GUCA1C: variants seen among roughly 807,000 people sequenced by gnomAD.
The protein encoded by GUCA1C is guanylate cyclase activator 1C.
Under a neutral mutation model 16.2 loss-of-function variants are expected in GUCA1C, and 15 were observed. The ratio of observed to expected loss-of-function variants is 0.93; its 90% confidence interval spans 0.62 to 1.43. The LOEUF (loss-of-function observed/expected upper bound fraction) is 1.43. GUCA1C is among the 40% of genes most tolerant of loss of function. GUCA1C has a pLI of 0.00. For synonymous variants in GUCA1C, 78 were observed against 85.4 expected (o/e 0.91, Z 0.48); for missense variants, 275 against 244.8 (o/e 1.12, Z -0.82).
rs561721317 is a variant in GUCA1C, at chr3:108,911,246, C to T, written c.443-3037G>A. ...TAAATCGTGCATTTCTTCCCATTTA[C>T]ATCTTAAATAATCTTTTATAACAAA... is the stretch of plus-strand genomic sequence containing the variant. On this transcript the variant is annotated intron_variant, in intron 3 of 3. Coordinates refer to ENST00000261047, the MANE Select transcript of GUCA1C (RefSeq NM_005459.4). Among the ~76,000 whole-genome samples the T allele has an allele frequency of 3.3e-5, 5 of 152,234 alleles. No homozygotes were observed. In the South Asian group the frequency reaches 1.0e-3, roughly 32 times the overall value.
At chr3:108,910,547 G>A (rs1016839303) in intron 3 of GUCA1C, among the ~76,000 whole-genome samples, 1 of 151,954 alleles carries the variant, frequency 6.6e-6, no homozygotes, top group Admixed American at 6.6e-5. Flanking sequence ...GCCTGTGAGA[G>A]ATGATAGAGC....
chr3:108,935,258 C>T (rs1022139738), intron 1 of GUCA1C, among the ~76,000 whole-genome samples: 3 of 151,450 alleles, frequency 2.0e-5, no homozygotes, highest in Admixed American at 6.6e-5. Flanking sequence ...AATCACTATC[C>T]GGATGATGGG....
rs144015676 is a variant in GUCA1C, at chr3:108,949,710, C to T, written c.204+3849G>A. On this transcript the variant is annotated intron_variant, in intron 1 of 3. Transcript: ENST00000261047. ...AGTGCACCTAGAGCAGTGTCAGGCA[C>T]ATCATAACCACTCAAAAAGTGGGTT... Among the ~76,000 whole-genome samples the T allele has an allele frequency of 9.6e-4, 146 of 152,256 alleles. 2 individuals are homozygous for T. In the East Asian group the frequency reaches 0.02, roughly 21 times the overall value.
At chr3:108,936,935 C>T (rs1202921654) in intron 1 of GUCA1C, among the ~76,000 whole-genome samples, 1 of 152,144 alleles carries the variant, frequency 6.6e-6, no homozygotes, top group Non-Finnish European at 1.5e-5. Context: ...TTTTTATCCT[C>T]CTCTGCTTCC....
chr3:108,934,024 G>T (rs1408690842), intron 1 of GUCA1C, among the ~76,000 whole-genome samples: 3 of 152,144 alleles, frequency 2.0e-5, no homozygotes, highest in African/African-American at 7.2e-5. Flanking sequence ...CATGTCCTTT[G>T]CAGGGACATG....
chr3:108,953,986 TAC>T, upstream of GUCA1C: 1 of 551,736 alleles, frequency 1.8e-6, no homozygotes, highest in Non-Finnish European at 3.2e-6. Flanking sequence ...CTAACATGCT[TAC>T]AGTCATGCAG....
intron 1 of GUCA1C, among the ~76,000 whole-genome samples, chr3:108,931,406 T>G (rs1946664581): frequency 6.6e-6 from 1 of 152,212 alleles, no homozygotes; most frequent in Admixed American, 6.5e-5. Flanking sequence ...CACTGTATGG[T>G]TTTTAAATGA....
intron 3 of GUCA1C, among the ~76,000 whole-genome samples, chr3:108,910,385 C>CAGT (rs1946437945): frequency 6.6e-6 from 1 of 151,696 alleles, no homozygotes; most frequent in Non-Finnish European, 1.5e-5. Flanking sequence ...GTAGTCCCAC[C>CAGT]TACTTGGGAG....
At chr3:108,917,804 G>T (rs1946532303) in intron 2 of GUCA1C, among the ~76,000 whole-genome samples, 1 of 152,124 alleles carries the variant, frequency 6.6e-6, no homozygotes, top group African/African-American at 2.4e-5. Context: ...CCAGCACTTT[G>T]GGAGGCTGAG....
chr3:108,928,343 C>G (rs1946640755), intron 1 of GUCA1C, among the ~76,000 whole-genome samples: 1 of 152,304 alleles, frequency 6.6e-6, no homozygotes, highest in African/African-American at 2.4e-5. Flanking sequence ...TTCTGGATAA[C>G]AGCCCTTCAT....
chr3:108,944,084 T>C (rs1314793761), intron 1 of GUCA1C, among the ~76,000 whole-genome samples: 1 of 152,100 alleles, frequency 6.6e-6, no homozygotes, highest in Admixed American at 6.6e-5. Context: ...AAAAGAAATA[T>C]ATTTTAAACT....
chr3:108,928,265 C>G (rs899633645), intron 1 of GUCA1C, among the ~76,000 whole-genome samples: 1 of 152,188 alleles, frequency 6.6e-6, no homozygotes, highest in Non-Finnish European at 1.5e-5. Context: ...GCAAGCTAGT[C>G]CTGCCCCTCT....
chr3:108,931,298 T>C (rs980804004), intron 1 of GUCA1C, among the ~76,000 whole-genome samples: 4 of 152,234 alleles, frequency 2.6e-5, no homozygotes, highest in African/African-American at 9.6e-5. Flanking sequence ...TTTGATATTT[T>C]ATTTTTAGGT....
intron 1 of GUCA1C, among the ~76,000 whole-genome samples, chr3:108,927,778 A>C (rs1946635420): frequency 6.6e-6 from 1 of 152,024 alleles, no homozygotes; most frequent in African/African-American, 2.4e-5. Context: ...AGCTGGTATG[A>C]TCTTGGAGTC....
intron 1 of GUCA1C, among the ~76,000 whole-genome samples, chr3:108,938,871 T>C (rs927935530): frequency 9.2e-5 from 14 of 152,230 alleles, no homozygotes; most frequent in Admixed American, 9.2e-4. Context: ...TGATTATTAA[T>C]AGGTTTTCTG....
In GUCA1C at chr3:108,931,983, T is replaced by C. The variant is rs72935305; in HGVS notation, c.205-11398A>G. On this transcript the variant is annotated intron_variant, in intron 1 of 3. Transcript: ENST00000261047. Reference sequence around the variant, plus strand: ...TCTCCTGCTCAGCCTCCCGAGTAACTGGGACTACAGGCGCCCACCACCACG... The same window carrying C: ...TCTCCTGCTCAGCCTCCCGAGTAACCGGGACTACAGGCGCCCACCACCACG... Among the ~76,000 whole-genome samples the C allele has an allele frequency of 7.3e-3, 1,102 of 150,040 alleles. 13 individuals carry two copies. Among genetic ancestry groups the C allele is most frequent in the African/African-American group, 0.025 (1,011 of 40,886 alleles).
rs1448220953 is a variant in GUCA1C at position 108,908,197 on chromosome 3, A to G, written c.455T>C (p.Leu152Ser). The G allele has an allele frequency of 1.2e-6, 2 of 1,611,742 alleles. No individual in the cohort carries two copies. Among genetic ancestry groups the G allele is most frequent in the Admixed American group, 3.3e-5 (2 of 60,010 alleles). ...TGCCATGCCATTGATAAATTCTTCT[A>G]AAGTCAATTCCCCTGGAAAATAATA... The part of the protein sequence containing the change: ...IDINNDGELT[L>S]EEFINGMAKD... Residue 152 changes from leucine to serine, a missense_variant, in exon 4 of 4, where the codon TTA becomes TCA. Leu to Ser is a moderately radical substitution (Grantham distance 145). Transcript: ENST00000261047.
At chr3:108,932,638 C>T (rs558029819) in intron 1 of GUCA1C, among the ~76,000 whole-genome samples, 2 of 152,264 alleles carry the variant, frequency 1.3e-5, no homozygotes, top group South Asian at 2.1e-4. Flanking sequence ...TAAAGTCCAG[C>T]AGGCCGGGCA....
intron 2 of GUCA1C, among the ~76,000 whole-genome samples, chr3:108,917,507 C>T (rs888096931): frequency 6.6e-6 from 1 of 151,908 alleles, no homozygotes; most frequent in African/African-American, 2.4e-5. Context: ...TCTTTCCTTC[C>T]TCATTTACTA....
Sources: gnomAD v4.1 joint callset for allele counts (sites outside exome capture counted in the v4.1 genomes callset) on GRCh38, gnomAD v4.1.1 for gene constraint, MANE v1.5 for transcripts, NCBI Gene and HGNC (gene_info 2026-07-23, HGNC 2026-07-21) for gene names.